The following UBR4 variants were observed in gnomAD, a reference collection of about 807,000 sequenced individuals.
UBR4 encodes the protein E3 ubiquitin-protein ligase UBR4.
Under a neutral mutation model 575.6 loss-of-function variants are expected in UBR4, and 124 were observed. That is an observed-to-expected ratio of 0.22 (90% CI 0.19 to 0.25). The LOEUF (loss-of-function observed/expected upper bound fraction) is 0.25. Ranked by LOEUF, UBR4 falls within the 10% of genes least tolerant of loss-of-function variation. UBR4 has a pLI of 1.00. For missense variants in UBR4, 4,818 were observed against 6,478.8 expected, an observed-to-expected ratio of 0.74 and a Z score of 8.80; for synonymous variants, 2,455 against 2,473.7, an observed-to-expected ratio of 0.99 and a Z score of 0.22.
chr1:19,155,388 G>C, intron 43 of UBR4, 53 bp downstream of exon 43: 2 of 1,518,346 alleles, frequency 1.3e-6, no homozygotes, highest in Non-Finnish European at 1.8e-6. Context: ...GAATAGAGGA[G>C]TTGCTAAATA....
At position 19,183,902 on chromosome 1, in the gene UBR4, A is replaced by G. The variant is rs759173544; in HGVS notation, c.2099-6T>C. The stretch of plus-strand genomic sequence containing the variant: ...AAACTCTTCATCTGATGAACCTTAA[A>G]GACAAGTAGAAAAGCCAATTATTTA... On this transcript the variant is annotated splice_region_variant and splice_polypyrimidine_tract_variant and intron_variant, in intron 16 of 105. Transcript: ENST00000375254. 2.5e-6 allele frequency: 4 copies of G among 1,614,014 alleles called. No homozygotes were observed. In the African/African-American group the frequency reaches 5.3e-5, roughly 22 times the overall value.
Position 19,157,332 on chromosome 1 carries a change from TGA to T in UBR4, c.5761-409_5761-408del, listed in dbSNP as rs1454006777. On this transcript the variant is annotated intron_variant, in intron 40 of 105. Coordinates refer to ENST00000375254, the MANE Select transcript of UBR4 (RefSeq NM_020765.3). This position sits in a 1 kb window ranked among gnomAD's most constrained non-coding sequence, Gnocchi z 4.4. ...GGAGAGGCCAGAATACAGAAAAGTG[TGA>T]GTTAAGATACCTAGCACTCTTCCAA... 1.3e-5 allele frequency among the ~76,000 whole-genome samples: 2 copies of T among 152,344 alleles called. No individual in the cohort carries two copies. Among genetic ancestry groups the T allele is most frequent in the East Asian group, 3.9e-4 (2 of 5,188 alleles).
intron 71 of UBR4, 168 bp from the exon 72 acceptor site, chr1:19,118,078 C>T (rs745398531): frequency 7.7e-5 from 45 of 587,898 alleles, no homozygotes; most frequent in African/African-American, 1.5e-4. Context: ...AATAGGGTTA[C>T]GAAGCCACAG....
intron 20 of UBR4, 51 bp from the exon 21 acceptor site, chr1:19,175,084 T>C (rs1263916413): frequency 8.0e-6 from 12 of 1,496,862 alleles, no homozygotes; most frequent in Non-Finnish European, 1.1e-5. Flanking sequence ...TAACTCTATC[T>C]GACTAGTATG....
At position 19,144,002 on chromosome 1, in the gene UBR4, G is replaced by T; in HGVS notation, c.8157C>A (p.Ser2719=). The change falls in exon 55 of 106, where the codon TCC becomes TCA. Residue 2719 remains serine (S), a synonymous_variant. Transcript: ENST00000375254. ...NKRRHVTLPS[S]PRSNTPMGDK... is the part of the protein sequence containing the mutation. ...TACCCATTGGAGTGTTGCTTCGAGG[G>T]GAAGAGGGTAAAGTCACATGTCTCC... 1.2e-6 allele frequency: 2 copies of T among 1,613,842 alleles called. No homozygotes were observed. The highest frequency in any genetic ancestry group is 2.2e-5 in the South Asian group (2 of 91,072).
chr1:19,115,510 A>C lies in UBR4; in HGVS notation c.10951T>G (p.Tyr3651Asp). 1 of 1,614,212 alleles carries C rather than the reference A, an allele frequency of 6.2e-7. No homozygotes were observed. The highest frequency in any genetic ancestry group is 1.3e-5 in the African/African-American group (1 of 75,048). ...TGCAGGGTCTCTGTGGAGGCCTGGT[A>C]GTTTTCATAGAAGTCTGCAAACTCA... The part of the protein sequence containing the change: ...MIEFADFYEN[Y>D]QASTETLQCP... Residue 3651 changes from tyrosine to aspartate, a missense_variant, in exon 74 of 106, where the codon TAC (tyrosine) becomes GAC (aspartate). Tyr to Asp is a radical substitution (Grantham distance 160). Transcript: ENST00000375254.
At chr1:19,165,810 C>G in intron 29 of UBR4, 53 bp from the exon 30 acceptor site, 1 of 1,442,114 alleles carries the variant, frequency 6.9e-7, no homozygotes, top group Non-Finnish European at 9.6e-7. Context: ...GTTTCAATGT[C>G]CTCCTTATGG....
intron 103 of UBR4, 60 bp from the exon 104 acceptor site, chr1:19,078,126 G>C (rs1570096584): frequency 2.6e-6 from 4 of 1,546,554 alleles, no homozygotes; most frequent in South Asian, 2.3e-5. Flanking sequence ...CACAAGGACA[G>C]AGCAAGGCAT....
chr1:19,203,396 G>A (rs1473841688), intron 1 of UBR4, among the ~76,000 whole-genome samples: 3 of 151,980 alleles, frequency 2.0e-5, no homozygotes, highest in South Asian at 2.1e-4. Flanking sequence ...AGCTACTCAC[G>A]AGGCTGAGGC....
Position 19,199,691 on chromosome 1 carries a change from A to T in UBR4, c.338T>A (p.Leu113Gln). 6.2e-7 allele frequency: 1 copy of T among 1,614,194 alleles called. No individual in the cohort carries two copies. The highest frequency in any genetic ancestry group is 1.1e-5 in the South Asian group (1 of 91,082). ...ACKVLIEFSLLRLENPDEACA... is the reference protein window; with the variant it reads ...ACKVLIEFSLQRLENPDEACA... ...AGCCTCATCTGGATTCTCCAGACGC[A>T]GGAGAGAAAACTCAATTAGAACTTT... The change falls in exon 3 of 106, where the codon CTG becomes CAG. Residue 113 changes from leucine (L) to glutamine (Q), a missense_variant. Coordinates refer to ENST00000375254, the MANE Select transcript of UBR4 (RefSeq NM_020765.3).
chr1:19,082,952 C>T (rs556393419), intron 102 of UBR4, among the ~76,000 whole-genome samples: 1 of 152,280 alleles, frequency 6.6e-6, no homozygotes, highest in East Asian at 1.9e-4. Flanking sequence ...GGATAGCTGT[C>T]GACTGGGAAG....
intron 67 of UBR4, 55 bp from the exon 68 acceptor site, chr1:19,121,489 G>A: frequency 6.4e-7 from 1 of 1,566,198 alleles, no homozygotes; most frequent in Non-Finnish European, 8.6e-7. Flanking sequence ...CCAGACTCAG[G>A]AGAACCAAAA....
intron 39 of UBR4, among the ~76,000 whole-genome samples, chr1:19,158,649 G>T (rs1482599593): frequency 6.6e-6 from 1 of 151,850 alleles, no homozygotes; most frequent in Non-Finnish European, 1.5e-5. Context: ...TTTTTATAGA[G>T]ACAGGGTTTC....
Position 19,174,454 on chromosome 1 carries a change from T to G in UBR4, c.2854-7A>C, listed in dbSNP as rs780841166. The G allele has an allele frequency of 6.2e-7, 1 of 1,606,750 alleles. No homozygotes were observed. The highest frequency in any genetic ancestry group is 8.5e-7 in the Non-Finnish European group (1 of 1,179,762). On this transcript the variant is annotated splice_region_variant and splice_polypyrimidine_tract_variant and intron_variant, in intron 21 of 105. Transcript: ENST00000375254. ...AGAAAAGGACGTCACATGCCTGACATCAAGAAAGAAAGAGAGTCATTTCCT... is the reference window on the plus strand; with the variant it reads ...AGAAAAGGACGTCACATGCCTGACAGCAAGAAAGAAAGAGAGTCATTTCCT...
At chr1:19,126,719 TG>T (rs979432352) in intron 63 of UBR4, 64 bp from the exon 64 acceptor site, 1 of 1,557,052 alleles carries the variant, frequency 6.4e-7, no homozygotes, top group African/African-American at 1.4e-5. Flanking sequence ...GAAATCCAGG[TG>T]GGTGTTGGGG....
chr1:19,131,348 T>C (rs961974597), intron 60 of UBR4, among the ~76,000 whole-genome samples: 3 of 151,726 alleles, frequency 2.0e-5, no homozygotes, highest in Admixed American at 6.6e-5. Context: ...AAATAATTCA[T>C]GTTTCAACCA....
chr1:19,148,239 C>T, intron 50 of UBR4, 112 bp from the exon 51 acceptor site: 8 of 1,342,614 alleles, frequency 6.0e-6, no homozygotes, highest in Non-Finnish European at 6.9e-6. Flanking sequence ...CTAGGTTATG[C>T]TCCATGGACT....
intron 14 of UBR4, among the ~76,000 whole-genome samples, chr1:19,185,578 T>C (rs1571601603): frequency 1.7e-5 from 2 of 119,482 alleles, no homozygotes; most frequent in Non-Finnish European, 2.0e-5. Context: ...TTTTTCTTTT[T>C]TTTTTTTTTT....
At chr1:19,094,704 T>C (rs2077855255) in intron 94 of UBR4, among the ~76,000 whole-genome samples, 1 of 152,264 alleles carries the variant, frequency 6.6e-6, no homozygotes, top group Non-Finnish European at 1.5e-5. Flanking sequence ...AGACTATCCT[T>C]AGCAATTGTG....
Sources: allele counts gnomAD v4.1 joint callset (sites outside exome capture counted in the v4.1 genomes callset), GRCh38; gene constraint gnomAD v4.1.1; non-coding constraint Gnocchi (gnomAD v3.1); transcripts MANE v1.5; gene names NCBI Gene and HGNC (gene_info 2026-07-23, HGNC 2026-07-21).